The following BZW2 variants were observed in gnomAD, a reference collection of about 807,000 sequenced individuals.
The protein encoded by BZW2 is eIF5-mimic protein 1.
Under a neutral mutation model 53.2 loss-of-function variants are expected in BZW2, and 23 were observed. The ratio of observed to expected loss-of-function variants is 0.43; its 90% CI spans 0.31 to 0.61. BZW2 has a LOEUF of 0.61. Among genes scored for constraint, BZW2 ranks in the 20% least tolerant of loss-of-function variants. The pLI is 0.09. For synonymous variants in BZW2, 227 were observed against 186.4 expected, an observed-to-expected ratio of 1.22 and a Z score of -1.77; for missense variants, 409 against 503.1, an observed-to-expected ratio of 0.81 and a Z score of 1.79.
chr7:16,676,473 A>G (rs1181983422), intron 3 of BZW2, among the ~76,000 whole-genome samples: 1 of 150,890 alleles, frequency 6.6e-6, no homozygotes, highest in East Asian at 2.0e-4. Context: ...TCTTGAATCC[A>G]GGAAGTGGAG....
intron 3 of BZW2, among the ~76,000 whole-genome samples, chr7:16,678,544 A>T (rs1445359861): frequency 6.6e-6 from 1 of 152,228 alleles, no homozygotes; most frequent in Non-Finnish European, 1.5e-5. Context: ...AATATGTAAT[A>T]AGTGTTTTCT....
At chr7:16,673,962 C>A (rs1014481413) in intron 2 of BZW2, among the ~76,000 whole-genome samples, 1 of 91,662 alleles carries the variant, frequency 1.1e-5, no homozygotes, top group Non-Finnish European at 2.9e-5. Flanking sequence ...TGCAATGGCA[C>A]TGTCTCTGCT....
intron 7 of BZW2, among the ~76,000 whole-genome samples, chr7:16,690,207 C>CT (rs541086435): frequency 0.11 from 15,366 of 145,796 alleles, 1,667 homozygotes; most frequent in African/African-American, 0.28. Context: ...AACTTTTTTA[C>CT]TTTTTTTTTT....
intron 2 of BZW2, 112 bp downstream of exon 2, chr7:16,665,613 G>A (rs1782400057): frequency 1.3e-6 from 2 of 1,512,318 alleles, no homozygotes; most frequent in Admixed American, 4.1e-5. Flanking sequence ...CTACTCATTT[G>A]AGCTCTGAGT....
At chr7:16,668,444 T>C (rs1239324744) in intron 2 of BZW2, among the ~76,000 whole-genome samples, 1 of 152,178 alleles carries the variant, frequency 6.6e-6, no homozygotes, top group Non-Finnish European at 1.5e-5. Context: ...CTCTTGGGGA[T>C]TGAAGCAACA....
chr7:16,654,551 A>G (rs1252728019), intron 1 of BZW2, among the ~76,000 whole-genome samples: 1 of 129,424 alleles, frequency 7.7e-6, no homozygotes, highest in African/African-American at 2.8e-5. Context: ...TTATTTATTT[A>G]TGAGACGGAG....
At chr7:16,684,410 G>A (rs899771842) in intron 5 of BZW2, among the ~76,000 whole-genome samples, 1 of 152,152 alleles carries the variant, frequency 6.6e-6, no homozygotes, top group Non-Finnish European at 1.5e-5. Context: ...CAATATGTGT[G>A]TATACATGTA....
At chr7:16,680,363 T>A (rs904973272) in intron 3 of BZW2, among the ~76,000 whole-genome samples, 3 of 152,230 alleles carry the variant, frequency 2.0e-5, no homozygotes, top group Non-Finnish European at 4.4e-5. Flanking sequence ...ATAAATGTTG[T>A]TCTTTGCTTC....
intron 6 of BZW2, chr7:16,686,904 CTG>C (rs1783144786): frequency 6.6e-6 from 1 of 152,150 alleles, no homozygotes; most frequent in South Asian, 2.1e-4. Context: ...AATTCAGACT[CTG>C]TAATTGTTAG....
intron 10 of BZW2, among the ~76,000 whole-genome samples, chr7:16,699,475 G>A (rs933047764): frequency 6.6e-6 from 1 of 152,154 alleles, no homozygotes; most frequent in African/African-American, 2.4e-5. Flanking sequence ...AGACCTATGG[G>A]ACAGGTTTCA....
At chr7:16,696,583 C>A (rs2128368374) in intron 8 of BZW2, among the ~76,000 whole-genome samples, 1 of 152,192 alleles carries the variant, frequency 6.6e-6, no homozygotes, top group Middle Eastern at 3.4e-3. Flanking sequence ...TTTAAATCTC[C>A]AAAAAGTCAA....
chr7:16,667,407 A>C (rs1044514772), intron 2 of BZW2, among the ~76,000 whole-genome samples: 1 of 152,204 alleles, frequency 6.6e-6, no homozygotes, highest in African/African-American at 2.4e-5. Context: ...ATATTTAAGG[A>C]AGTATGTATA....
intron 10 of BZW2, 134 bp from the exon 11 acceptor site, chr7:16,704,413 G>A (rs28437548): frequency 2.1e-6 from 2 of 940,324 alleles, no homozygotes; most frequent in Non-Finnish European, 3.0e-6. Context: ...AATCAACTTG[G>A]TTCCTCTCTT....
intron 10 of BZW2, among the ~76,000 whole-genome samples, chr7:16,698,925 T>C (rs1029906522): frequency 6.6e-6 from 1 of 152,200 alleles, no homozygotes; most frequent in Non-Finnish European, 1.5e-5. Flanking sequence ...AAATATCATA[T>C]CAGAAAAGTT....
intron 3 of BZW2, among the ~76,000 whole-genome samples, chr7:16,676,597 C>G (rs1782773057): frequency 6.6e-6 from 1 of 152,106 alleles, no homozygotes; most frequent in Non-Finnish European, 1.5e-5. Context: ...TGTTAGCTAC[C>G]TAATTTCATC....
At chr7:16,697,158 G>A in intron 9 of BZW2, 97 bp downstream of exon 9, 1 of 1,381,388 alleles carries the variant, frequency 7.2e-7, no homozygotes, top group Admixed American at 2.5e-5. Flanking sequence ...GGCACGATCT[G>A]CGCTCACTGC....
At chr7:16,677,945 A>G (rs77882534) in intron 3 of BZW2, among the ~76,000 whole-genome samples, 3 of 152,168 alleles carry the variant, frequency 2.0e-5, no homozygotes, top group South Asian at 2.1e-4. Flanking sequence ...GGTATAAGCT[A>G]TGCAACACCA....
intron 6 of BZW2, chr7:16,686,244 A>G: frequency 7.2e-6 from 5 of 694,482 alleles, no homozygotes; most frequent in South Asian, 1.9e-5. Flanking sequence ...AGGAAAAAAT[A>G]TGCACACCTG....
chr7:16,666,136 C>T (rs1314689674), intron 2 of BZW2, among the ~76,000 whole-genome samples: 1 of 151,882 alleles, frequency 6.6e-6, no homozygotes, highest in Non-Finnish European at 1.5e-5. Flanking sequence ...GCACTGTCAC[C>T]CAGGTTGGAG....
Sources: gnomAD v4.1 joint callset for allele counts (sites outside exome capture counted in the v4.1 genomes callset) on GRCh38, gnomAD v4.1.1 for gene constraint, MANE v1.5 for transcripts, NCBI Gene and HGNC (gene_info 2026-07-23, HGNC 2026-07-21) for gene names.